The following APC variants were observed in gnomAD, a reference collection of about 807,000 sequenced individuals.
APC encodes adenomatous polyposis coli protein.
Under a neutral mutation model 247.0 loss-of-function variants are expected in APC, and 72 were observed. The ratio of observed to expected loss-of-function variants is 0.29; its 90% CI spans 0.24 to 0.35. The LOEUF (loss-of-function observed/expected upper bound fraction) is 0.35, where lower values mean the gene tolerates loss of function less well. Among genes scored for constraint, APC ranks in the 10% least tolerant of loss-of-function variants. APC has a pLI of 1.00. For synonymous variants in APC, 1,254 were observed against 1,162.5 expected (o/e 1.08, Z -1.60); for missense variants, 3,400 against 3,360.7 (o/e 1.01, Z -0.29).
intron 7 of APC, among the ~76,000 whole-genome samples, chr5:112,795,149 C>T (rs1760069718): frequency 6.6e-6 from 1 of 152,198 alleles, no homozygotes; most frequent in Non-Finnish European, 1.5e-5. Flanking sequence ...GCCTCAGCCT[C>T]CCTAGTAGCT....
intron 1 of APC, among the ~76,000 whole-genome samples, chr5:112,716,725 A>T (rs915958074): frequency 6.6e-6 from 1 of 152,174 alleles, no homozygotes; most frequent in African/African-American, 2.4e-5. Flanking sequence ...ATGCTATTAG[A>T]TGCATAGAAA....
At position 112,841,048 on chromosome 5, in the gene APC, T is replaced by G. The variant is rs2149940556; in HGVS notation, c.5454T>G (p.Asn1818Lys). Residue 1818 changes from asparagine to lysine, a missense_variant, in exon 16 of 16, where the codon AAT (asparagine) becomes AAG (lysine). Asn to Lys is a moderately conservative substitution (Grantham distance 94). This residue lies in a region of APC where 1,788 missense variants were observed against 1,649.5 expected (regional missense o/e 1.08). Coordinates refer to ENST00000257430, the MANE Select transcript of APC (RefSeq NM_000038.6). The surrounding 1 kb of genome is among the most constrained non-coding windows in gnomAD (Gnocchi z 4.6). ...NKDSKKQNLK[N>K]NSKVFNDKLP... Reference sequence around the variant, plus strand: ...ATTCAAAGAAACAGAATTTGAAAAATAATTCCAAGGTCTTCAATGATAAGC... The same window carrying G: ...ATTCAAAGAAACAGAATTTGAAAAAGAATTCCAAGGTCTTCAATGATAAGC... 1 of 1,612,180 alleles carries G rather than the reference T, an allele frequency of 6.2e-7. No homozygotes were observed. The highest frequency in any genetic ancestry group is 2.2e-5 in the East Asian group (1 of 44,858).
intron 4 of APC, among the ~76,000 whole-genome samples, chr5:112,775,202 G>A (rs1757484701): frequency 6.6e-6 from 1 of 152,158 alleles, no homozygotes; most frequent in Non-Finnish European, 1.5e-5. Context: ...AGCCACATCA[G>A]TGTCCAAAGT....
chr5:112,781,019 G>C, intron 6 of APC, 116 bp downstream of exon 6: 1 of 770,178 alleles, frequency 1.3e-6, no homozygotes, highest in South Asian at 1.5e-5. Flanking sequence ...TGTTTATTTT[G>C]GCTCTATTTC....
intron 1 of APC, among the ~76,000 whole-genome samples, chr5:112,728,523 G>C (rs1332405972): frequency 6.6e-6 from 1 of 152,156 alleles, no homozygotes; most frequent in African/African-American, 2.4e-5. Context: ...TGCATACCTT[G>C]AAATTGAAGT....
At chr5:112,758,217 G>A (rs1755206356) in intron 2 of APC, among the ~76,000 whole-genome samples, 1 of 152,230 alleles carries the variant, frequency 6.6e-6, no homozygotes, top group African/African-American at 2.4e-5. Flanking sequence ...TATGAAATCA[G>A]ATAAATGCAG....
chr5:112,747,243 G>GC (rs1008896276), intron 1 of APC, among the ~76,000 whole-genome samples: 22 of 151,990 alleles, frequency 1.4e-4, no homozygotes, highest in Non-Finnish European at 2.8e-4. Flanking sequence ...TTTTCTTGAG[G>GC]GGGGAAAACC....
chr5:112,788,602 T>C (rs2431513), intron 6 of APC, among the ~76,000 whole-genome samples: 40 of 152,332 alleles, frequency 2.6e-4, no homozygotes, highest in South Asian at 1.2e-3. Flanking sequence ...TAGGTATTCT[T>C]ACTAATTTTA....
At chr5:112,793,676 T>C (rs549820687) in intron 7 of APC, among the ~76,000 whole-genome samples, 2 of 152,224 alleles carry the variant, frequency 1.3e-5, no homozygotes, top group South Asian at 2.1e-4. Context: ...AGGTTCAATA[T>C]CCAAATAAAA....
chr5:112,709,497 G>A (rs1750724243), intron 1 of APC, among the ~76,000 whole-genome samples: 2 of 152,160 alleles, frequency 1.3e-5, no homozygotes, highest in Admixed American at 1.3e-4. Context: ...ACAGTTTGAA[G>A]GGGCAGTAGC....
Position 112,843,412 on chromosome 5 carries a change from A to G in APC, c.7818A>G (p.Val2606=), listed in dbSNP as rs1221514715. ...CCAAACAAAGTAAAGAAAACCAAGTATCCGCAAAAGGAACATGGAGAAAAA... is the reference window on the plus strand; with the variant it reads ...CCAAACAAAGTAAAGAAAACCAAGTGTCCGCAAAAGGAACATGGAGAAAAA... ...SGTKQSKENQ[V]SAKGTWRKIK... is the part of the protein sequence containing the mutation. Residue 2606 remains valine, a synonymous_variant, in exon 16 of 16, where the codon GTA becomes GTG. Transcript: ENST00000257430. The surrounding 1 kb of genome is among the most constrained non-coding windows in gnomAD (Gnocchi z 4.8). The G allele has an allele frequency of 6.2e-7, 1 of 1,613,190 alleles. No individual in the cohort carries two copies. Among genetic ancestry groups the G allele is most frequent in the Non-Finnish European group, 8.5e-7 (1 of 1,179,422 alleles).
intron 2 of APC, among the ~76,000 whole-genome samples, chr5:112,756,808 T>C (rs1219190758): frequency 6.6e-6 from 1 of 152,236 alleles, no homozygotes; most frequent in Non-Finnish European, 1.5e-5. Context: ...TTTATATGTG[T>C]GGTATAATAC....
At chr5:112,829,905 G>A (rs1764135909) in intron 14 of APC, 1 of 152,004 alleles carries the variant, frequency 6.6e-6, no homozygotes, top group East Asian at 1.9e-4. Context: ...ATATCTCCAG[G>A]CAGTCCATCT....
chr5:112,775,496 T>C, intron 4 of APC, 133 bp from the exon 5 acceptor site: 2 of 571,042 alleles, frequency 3.5e-6, no homozygotes, highest in Admixed American at 3.3e-5. Flanking sequence ...GAAATCAATG[T>C]AAATTTTTTG....
intron 2 of APC, among the ~76,000 whole-genome samples, chr5:112,762,600 T>C (rs372535172): frequency 2.4e-4 from 37 of 152,340 alleles, no homozygotes; most frequent in Middle Eastern, 3.4e-3. Context: ...AAAATACTTA[T>C]GTACTGTGTG....
chr5:112,842,589 G>A lies in APC; in HGVS notation c.6995G>A (p.Gly2332Asp), dbSNP rs2149977858. 1 of 1,613,788 alleles carries A rather than the reference G, an allele frequency of 6.2e-7. No individual in the cohort carries two copies. The highest frequency in any genetic ancestry group is 8.5e-7 in the Non-Finnish European group (1 of 1,179,740). Residue 2332 changes from glycine (G) to aspartate (D), a missense_variant, in exon 16 of 16, where the codon GGT (glycine) becomes GAT (aspartate). Transcript: ENST00000257430. ...CCTGGCCGAAACTCAATTTCCCCTGGTAGAAATGGAATAAGTCCTCCTAAC... is the reference window on the plus strand; with the variant it reads ...CCTGGCCGAAACTCAATTTCCCCTGATAGAAATGGAATAAGTCCTCCTAAC... ...QSPGRNSISP[G>D]RNGISPPNKL...
rs1305556096 is a variant in APC, at chr5:112,845,561, T to G, written c.*1435T>G. ...CCATGCTCAGAAAATTCAAATCACA[T>G]GGAACTTTAGAGGTAGATTTAATAC... is the stretch of plus-strand genomic sequence containing the variant. On this transcript the variant is annotated 3_prime_UTR_variant, in exon 16 of 16. Coordinates refer to ENST00000257430, the MANE Select transcript of APC (RefSeq NM_000038.6). 1 of 232,752 alleles carries G rather than the reference T, an allele frequency of 4.3e-6. No homozygotes were observed. Among genetic ancestry groups the G allele is most frequent in the Non-Finnish European group, 8.5e-6 (1 of 117,572 alleles). The allele number at this position is 232,752 out of a possible 1,614,324, so 14.4% of individuals were successfully genotyped here.
At chr5:112,719,838 CA>C (rs575615854) in intron 1 of APC, among the ~76,000 whole-genome samples, 206 of 152,350 alleles carry the variant, frequency 1.4e-3, no homozygotes, top group African/African-American at 3.1e-3. Context: ...CCACTGCGCC[CA>C]GCCAATTTTC....
intron 6 of APC, among the ~76,000 whole-genome samples, chr5:112,786,670 C>T (rs1287742137): frequency 6.6e-6 from 1 of 152,046 alleles, no homozygotes; most frequent in African/African-American, 2.4e-5. Context: ...TCTAATTTTT[C>T]AGTTAAAAAC....
Sources: gnomAD v4.1 joint callset for allele counts (sites outside exome capture counted in the v4.1 genomes callset) on GRCh38, gnomAD v4.1.1 for gene constraint, gnomAD v4.1.1 regional missense constraint, Gnocchi (gnomAD v3.1) non-coding constraint, MANE v1.5 for transcripts, NCBI Gene and HGNC (gene_info 2026-07-23, HGNC 2026-07-21) for gene names.